Variants in ENTPD5 observed in about 807,000 individuals in gnomAD.
ENTPD5 encodes the protein ectonucleoside triphosphate diphosphohydrolase 5 (inactive).
ENTPD5 carries 49 observed loss-of-function variants against 60.2 expected under a neutral mutation model. The observed-to-expected ratio is 0.81, with a 90% CI of 0.65 to 1.03. ENTPD5 has a LOEUF of 1.03. ENTPD5 is among the 50% of genes least tolerant of loss of function. ENTPD5 has a pLI of 0.00. For missense variants in ENTPD5, 480 were observed against 507.6 expected, an observed-to-expected ratio of 0.95 and a Z score of 0.52; for synonymous variants, 187 against 185.4, an observed-to-expected ratio of 1.01 and a Z score of -0.07.
intron 3 of ENTPD5, among the ~76,000 whole-genome samples, chr14:74,007,314 A>C (rs563596341): frequency 6.6e-6 from 1 of 152,204 alleles, no homozygotes; most frequent in South Asian, 2.1e-4. Flanking sequence ...GAGGTCAGGA[A>C]ATCAAGACCA....
intron 3 of ENTPD5, among the ~76,000 whole-genome samples, chr14:74,000,129 C>T (rs1361256025): frequency 6.7e-6 from 1 of 149,518 alleles, no homozygotes; most frequent in Non-Finnish European, 1.5e-5. Flanking sequence ...AAACACAGGA[C>T]TAACTCCCTA....
downstream of ENTPD5, chr14:73,960,390 G>A (rs891543160): frequency 2.0e-6 from 2 of 987,636 alleles, no homozygotes; most frequent in Non-Finnish European, 2.4e-6. Flanking sequence ...GATAATATGG[G>A]TACCAGTATT....
At chr14:73,955,388 G>T, downstream of ENTPD5, 1 of 1,214,034 alleles carries the variant, frequency 8.2e-7, no homozygotes, top group Non-Finnish European at 1.2e-6. Flanking sequence ...ACAGGATGGA[G>T]GGACAAGGGG....
chr14:73,970,796 T>C (rs2057189781), intron 14 of ENTPD5, among the ~76,000 whole-genome samples: 2 of 152,194 alleles, frequency 1.3e-5, no homozygotes, highest in African/African-American at 4.8e-5. Flanking sequence ...AGATCATTTG[T>C]ATTTTATTTT....
At chr14:73,959,435 C>G, downstream of ENTPD5, 1 of 1,614,156 alleles carries the variant, frequency 6.2e-7, no homozygotes, top group East Asian at 2.2e-5. Flanking sequence ...CCTTGAGTTC[C>G]TTGGTTTGGT....
chr14:73,962,823 G>T, downstream of ENTPD5: 1 of 672,282 alleles, frequency 1.5e-6, no homozygotes, highest in East Asian at 2.7e-5. Context: ...TCTCTAAAAC[G>T]TGTGTATATG....
At chr14:73,959,769 C>T, downstream of ENTPD5, 2 of 1,167,454 alleles carry the variant, frequency 1.7e-6, no homozygotes, top group South Asian at 3.3e-5. Flanking sequence ...GAGGTTTCAC[C>T]ATGTTGGCCA....
In ENTPD5 at chr14:74,007,332, T is replaced by C. The variant is rs144929999; in HGVS notation, c.-71+3759A>G. Among the ~76,000 whole-genome samples the C allele has an allele frequency of 2.8e-3, 428 of 152,202 alleles. 2 individuals carry two copies. The highest frequency in any genetic ancestry group is 9.8e-3 in the African/African-American group (406 of 41,556). ...GTCAGGAAATCAAGACCATCCTGGC[T>C]AACACGGTGAAACCCCGTCTCTACT... On this transcript the variant is annotated intron_variant, in intron 3 of 15. Transcript: ENST00000334696.
chr14:73,962,434 C>A (rs7147229), downstream of ENTPD5, among the ~76,000 whole-genome samples: 2 of 151,524 alleles, frequency 1.3e-5, no homozygotes, highest in Non-Finnish European at 2.9e-5. Context: ...TGGCACATGC[C>A]TGTAGTCCTA....
At chr14:73,958,073 T>G, downstream of ENTPD5, 3 of 1,229,236 alleles carry the variant, frequency 2.4e-6, no homozygotes, top group Non-Finnish European at 3.6e-6. Context: ...TTGCTTTAGG[T>G]TTAGTTATGG....
chr14:73,990,703 CAT>C (rs2058094762), intron 3 of ENTPD5, among the ~76,000 whole-genome samples: 1 of 151,824 alleles, frequency 6.6e-6, no homozygotes, highest in African/African-American at 2.4e-5. Context: ...AAGCCATTAT[CAT>C]GAGTTTGAAT....
In ENTPD5 at chr14:73,966,847, A is replaced by G; in HGVS notation, c.*81T>C. The G allele has an allele frequency of 1.9e-6, 2 of 1,044,058 alleles. No homozygotes were observed. The highest frequency in any genetic ancestry group is 3.0e-6 in the Non-Finnish European group (2 of 671,048). The allele number at this position is 1,044,058 out of a possible 1,614,324, so 64.7% of individuals were successfully genotyped here. ...CTAGGCTCAAGTCCAGGATGTCCCC[A>G]GACTAGTTCAGAAACTAAGTGCTCT... On this transcript the variant is annotated 3_prime_UTR_variant, in exon 16 of 16. Transcript: ENST00000334696.
chr14:73,959,954 A>T (rs1259004981), downstream of ENTPD5: 1 of 1,122,328 alleles, frequency 8.9e-7, no homozygotes, highest in Non-Finnish European at 1.1e-6. Flanking sequence ...GGTCTAGATT[A>T]TGTGGAGGAG....
At chr14:74,000,665 G>A (rs1439761128) in intron 3 of ENTPD5, among the ~76,000 whole-genome samples, 1 of 151,722 alleles carries the variant, frequency 6.6e-6, no homozygotes, top group African/African-American at 2.4e-5. Flanking sequence ...TGTAATCCCA[G>A]CTACTCAGGA....
chr14:73,972,955 T>C lies in ENTPD5; in HGVS notation c.956A>G (p.Glu319Gly), dbSNP rs368036793. The C allele has an allele frequency of 3.1e-6, 5 of 1,614,220 alleles. No individual in the cohort carries two copies. Among genetic ancestry groups the C allele is most frequent in the Non-Finnish European group, 4.2e-6 (5 of 1,180,042 alleles). Residue 319 changes from glutamate (E) to glycine (G), a missense_variant, in exon 13 of 16, where the codon GAG becomes GGG. Physicochemically the swap from Glu to Gly is moderately conservative, Grantham distance 98 (BLOSUM62 -2). Coordinates refer to ENST00000334696, the MANE Select transcript of ENTPD5 (RefSeq NM_001249.5). ...ATAGAAGGAACCTCTCTGGACCTCC[T>C]CTGGCTGGTGAAGTTTTCCTCGTAC... ...RVVRGKLHQP[E>G]EVQRGSFYAF...
At chr14:73,958,876 A>G (rs2051328626), downstream of ENTPD5, 8 of 1,563,848 alleles carry the variant, frequency 5.1e-6, 1 homozygote, top group South Asian at 7.0e-5. Context: ...CCACACAACA[A>G]TCAGAGCTGG....
intron 7 of ENTPD5, 115 bp from the exon 8 acceptor site, chr14:73,977,174 T>A: frequency 8.0e-7 from 1 of 1,248,658 alleles, no homozygotes; most frequent in Non-Finnish European, 1.2e-6. Flanking sequence ...CATGTTCCCT[T>A]CTCCCTGTCT....
chr14:73,961,675 C>T (rs2056741494), downstream of ENTPD5: 2 of 1,609,324 alleles, frequency 1.2e-6, no homozygotes, highest in Admixed American at 1.7e-5. Context: ...ATCTGGCTTG[C>T]TAGGAGATGG....
chr14:73,977,103 T>C (rs2077819921), intron 7 of ENTPD5, 44 bp from the exon 8 acceptor site: 1 of 1,582,026 alleles, frequency 6.3e-7, no homozygotes, highest in African/African-American at 1.4e-5. Context: ...GAGCATTTTT[T>C]CTCTTTCCTG....
Sources: allele counts gnomAD v4.1 joint callset (sites outside exome capture counted in the v4.1 genomes callset), GRCh38; gene constraint gnomAD v4.1.1; transcripts MANE v1.5; gene names NCBI Gene and HGNC (gene_info 2026-07-23, HGNC 2026-07-21).